Variants in THRB observed in about 807,000 individuals in gnomAD.
The protein encoded by THRB is nuclear receptor subfamily 1 group A member 2.
A neutral mutation model predicts 47.8 loss-of-function variants in THRB; 12 were observed. The observed-to-expected ratio is 0.25, with a 90% CI of 0.16 to 0.41. The LOEUF (loss-of-function observed/expected upper bound fraction) is 0.41. Ranked by LOEUF, THRB falls within the 10% of genes least tolerant of loss-of-function variation. The probability of loss-of-function intolerance (pLI) is 1.00; values close to 1 mark genes in which losing one functional copy is unlikely to be tolerated. For missense variants in THRB, 348 were observed against 589.2 expected, an observed-to-expected ratio of 0.59 and a Z score of 4.24; for synonymous variants, 218 against 212.2, an observed-to-expected ratio of 1.03 and a Z score of -0.24.
chr3:24,275,385 C>G (rs1349289048), intron 3 of THRB, among the ~76,000 whole-genome samples: 1 of 152,206 alleles, frequency 6.6e-6, no homozygotes, highest in Non-Finnish European at 1.5e-5. Flanking sequence ...GAAACGAATA[C>G]TCTCTCAGGA....
intron 4 of THRB, among the ~76,000 whole-genome samples, chr3:24,194,581 C>T (rs1275693507): frequency 6.6e-6 from 1 of 152,154 alleles, no homozygotes; most frequent in Non-Finnish European, 1.5e-5. Flanking sequence ...TTGTGTGTCT[C>T]AAGGGAGTTT....
intron 3 of THRB, among the ~76,000 whole-genome samples, chr3:24,243,117 C>T (rs1473883683): frequency 6.7e-6 from 1 of 150,124 alleles, no homozygotes; most frequent in African/African-American, 2.5e-5. Flanking sequence ...AGGTGCACTC[C>T]AGGCCAATTA....
intron 1 of THRB, among the ~76,000 whole-genome samples, chr3:24,402,719 T>C (rs2067517438): frequency 6.6e-6 from 1 of 152,014 alleles, no homozygotes; most frequent in Non-Finnish European, 1.5e-5. Context: ...TAGAAGCTGT[T>C]ATCCAGGTTC....
rs180702561 is a variant in THRB at position 24,222,599 on chromosome 3, A to G, written c.22+6339T>C. ...GGGAGAGATGTCTGAGCATGAATTT[A>G]AAGACTTTCTGTGTGATGTGTGTAA... On this transcript the variant is annotated intron_variant, in intron 4 of 10. Transcript: ENST00000646209. 1.2e-3 allele frequency among the ~76,000 whole-genome samples: 180 copies of G among 152,294 alleles called. 1 individual carries two copies. Among genetic ancestry groups the G allele is most frequent in the Middle Eastern group, 3.4e-3 (1 of 294 alleles).
intron 9 of THRB, among the ~76,000 whole-genome samples, chr3:24,129,644 A>G (rs1171495325): frequency 6.6e-6 from 1 of 152,236 alleles, no homozygotes; most frequent in Non-Finnish European, 1.5e-5. Context: ...ATTTGTTTCA[A>G]CACGTGGGCA....
intron 1 of THRB, among the ~76,000 whole-genome samples, chr3:24,370,972 T>C (rs1304174915): frequency 6.6e-6 from 1 of 152,128 alleles, no homozygotes; most frequent in Non-Finnish European, 1.5e-5. Flanking sequence ...AAAAGAGCTG[T>C]AGAAAAGGGA....
intron 3 of THRB, among the ~76,000 whole-genome samples, chr3:24,255,676 C>T (rs760971574): frequency 4.6e-5 from 7 of 152,158 alleles, no homozygotes; most frequent in East Asian, 3.9e-4. Context: ...GGGAGGGACC[C>T]GTACTTATGT....
chr3:24,213,420 G>A (rs2046261157), intron 4 of THRB, among the ~76,000 whole-genome samples: 1 of 152,162 alleles, frequency 6.6e-6, no homozygotes, highest in African/African-American at 2.4e-5. Flanking sequence ...GTGTACTTTG[G>A]AAGGAGAGGA....
intron 8 of THRB, among the ~76,000 whole-genome samples, chr3:24,141,100 A>C (rs2035383222): frequency 6.6e-6 from 1 of 152,202 alleles, no homozygotes; most frequent in African/African-American, 2.4e-5. Flanking sequence ...GAGCAGATTA[A>C]AGATCTACAA....
chr3:24,456,003 G>T (rs2073136757), intron 1 of THRB, among the ~76,000 whole-genome samples: 1 of 152,110 alleles, frequency 6.6e-6, no homozygotes, highest in Non-Finnish European at 1.5e-5. Flanking sequence ...AAAAAAGAAA[G>T]CACATAGTCC....
chr3:24,341,749 A>G (rs2062671013), intron 1 of THRB, among the ~76,000 whole-genome samples: 1 of 152,166 alleles, frequency 6.6e-6, no homozygotes, highest in Non-Finnish European at 1.5e-5. Context: ...AAGTCTGAAA[A>G]AGTTCTTGCT....
chr3:24,258,387 A>C (rs2051550515), intron 3 of THRB, among the ~76,000 whole-genome samples: 1 of 152,080 alleles, frequency 6.6e-6, no homozygotes. Context: ...AAAGAAACAA[A>C]CAAACAAGTG....
At chr3:24,477,085 G>GGTGTGTGTGTGT (rs71855335) in intron 1 of THRB, among the ~76,000 whole-genome samples, 8 of 137,574 alleles carry the variant, frequency 5.8e-5, no homozygotes, top group African/African-American at 2.1e-4. Context: ...CATATAAAGG[G>GGTGTGTGTGTGT]GTGTGTGTGT....
intron 1 of THRB, among the ~76,000 whole-genome samples, chr3:24,428,926 C>G (rs549604366): frequency 6.6e-6 from 1 of 150,514 alleles, no homozygotes; most frequent in East Asian, 2.0e-4. Flanking sequence ...ATGTTTAAGT[C>G]TCTAGGCTCA....
chr3:24,282,013 T>C (rs1220023756), intron 3 of THRB, among the ~76,000 whole-genome samples: 2 of 129,930 alleles, frequency 1.5e-5, no homozygotes, highest in Admixed American at 7.5e-5. Flanking sequence ...ACCATCAACA[T>C]TAGACAGATC....
chr3:24,209,933 G>GA (rs944402581), intron 4 of THRB, among the ~76,000 whole-genome samples: 7 of 152,104 alleles, frequency 4.6e-5, no homozygotes, highest in African/African-American at 1.7e-4. Context: ...ACCAAAATAA[G>GA]AAAAAATATT....
chr3:24,455,454 A>G (rs903704608), intron 1 of THRB: 6 of 152,164 alleles, frequency 3.9e-5, no homozygotes, highest in African/African-American at 1.4e-4. Flanking sequence ...TCAGTGGGAA[A>G]TAAGAAGTGA....
chr3:24,240,200 C>G (rs1166829323), intron 3 of THRB, among the ~76,000 whole-genome samples: 1 of 152,124 alleles, frequency 6.6e-6, no homozygotes. Context: ...CTAAAGGTGC[C>G]ATTAAAAAGT....
At chr3:24,133,570 T>C in intron 8 of THRB, 108 bp from the exon 9 acceptor site, 1 of 991,172 alleles carries the variant, frequency 1.0e-6, no homozygotes, top group Non-Finnish European at 1.6e-6. Flanking sequence ...TCCTGTACAG[T>C]TTCCAGTTTT....
Sources: gnomAD v4.1 joint callset for allele counts (sites outside exome capture counted in the v4.1 genomes callset) on GRCh38, gnomAD v4.1.1 for gene constraint, MANE v1.5 for transcripts, NCBI Gene and HGNC (gene_info 2026-07-23, HGNC 2026-07-21) for gene names.